Variants in BDP1 observed in about 807,000 individuals in gnomAD.
BDP1 encodes the protein BDP1 general transcription factor IIIB subunit, also known as transcription factor TFIIIB component B'' homolog.
Under a neutral mutation model 266.6 loss-of-function variants are expected in BDP1, and 169 were observed. The observed-to-expected ratio is 0.63, with a 90% CI of 0.56 to 0.72. The LOEUF is 0.72. BDP1 is among the 30% of genes least tolerant of loss of function. The pLI is 0.00. For synonymous variants in BDP1, 1,090 were observed against 1,022.4 expected, an observed-to-expected ratio of 1.07 and a Z score of -1.26; for missense variants, 3,015 against 3,053.8, an observed-to-expected ratio of 0.99 and a Z score of 0.30.
Position 71,549,414 on chromosome 5 carries a change from T to C in BDP1, c.6809-6T>C, listed in dbSNP as rs1421316115. ...TTTTTTATTACTAACTTTTAAACTT[T>C]GATAGTGAATCTAGTTGCTAATGTA... On this transcript the variant is annotated splice_polypyrimidine_tract_variant and splice_region_variant and intron_variant, in intron 33 of 38. Transcript: ENST00000358731. 1.2e-6 allele frequency: 2 copies of C among 1,602,684 alleles called. No individual in the cohort carries two copies. The highest frequency in any genetic ancestry group is 8.5e-7 in the Non-Finnish European group (1 of 1,175,100).
chr5:71,484,110 A>G (rs1330437516), intron 8 of BDP1, among the ~76,000 whole-genome samples: 1 of 152,120 alleles, frequency 6.6e-6, no homozygotes, highest in Non-Finnish European at 1.5e-5. Flanking sequence ...GGTGCAGGTA[A>G]ACAGTTCTAA....
chr5:71,496,539 GTGATCCTCCCACC>G (rs1763905174), intron 12 of BDP1, among the ~76,000 whole-genome samples: 1 of 151,082 alleles, frequency 6.6e-6, no homozygotes, highest in South Asian at 2.1e-4. Context: ...CCAGGCTTAG[GTGATCCTCCCACC>G]TTAGTCTCCC....
Position 71,565,201 on chromosome 5 carries a change from A to G in BDP1, c.*316A>G, listed in dbSNP as rs533766460. 4.3e-4 allele frequency: 91 copies of G among 213,866 alleles called. No homozygotes were observed. Among genetic ancestry groups the G allele is most frequent in the Non-Finnish European group, 6.9e-4 (75 of 108,598 alleles). The allele number at this position is 213,866 out of a possible 1,614,324, so 13.2% of individuals were successfully genotyped here. A position where few individuals can be genotyped will look rare whatever the true frequency, so the allele number is the denominator to read the frequency against. On this transcript the variant is annotated 3_prime_UTR_variant, in exon 39 of 39. Coordinates refer to ENST00000358731, the MANE Select transcript of BDP1 (RefSeq NM_018429.3). ...ATGGACATTTGGGAATGTTGTGGAT[A>G]TATGTCTCTGTATGAATTGCAGTGC...
chr5:71,461,192 C>CA (rs1392412295), intron 2 of BDP1, among the ~76,000 whole-genome samples: 7 of 152,124 alleles, frequency 4.6e-5, no homozygotes, highest in Admixed American at 1.3e-4. Context: ...TTATGTTGCC[C>CA]AGGCTGGTAA....
chr5:71,461,864 A>C lies in BDP1; in HGVS notation c.537A>C (p.Pro179=), dbSNP rs772134769. The C allele has an allele frequency of 6.2e-7, 1 of 1,609,882 alleles. No homozygotes were observed. The highest frequency in any genetic ancestry group is 8.5e-7 in the Non-Finnish European group (1 of 1,177,122). Residue 179 remains proline, a synonymous_variant, in exon 3 of 39, where the codon CCA becomes CCC. Coordinates refer to ENST00000358731, the MANE Select transcript of BDP1 (RefSeq NM_018429.3). ...CTATAAATGAAAGTCAGAGGCCACC[A>C]GATCGTTCAAAAATGACTATGAGAG... ...KYAINESQRP[P]DRSKMTMRDF...
At chr5:71,494,901 GT>G (rs754406954) in intron 11 of BDP1, 6 of 157,418 alleles carry the variant, frequency 3.8e-5, no homozygotes, top group Admixed American at 1.3e-4. Context: ...ATTTAACCAT[GT>G]TGGCCAGGAT....
chr5:71,474,677 G>T (rs145869786), intron 7 of BDP1, among the ~76,000 whole-genome samples: 1 of 151,474 alleles, frequency 6.6e-6, no homozygotes, highest in Non-Finnish European at 1.5e-5. Flanking sequence ...ATGAAACCCC[G>T]ATCCTATTAA....
intron 13 of BDP1, among the ~76,000 whole-genome samples, chr5:71,498,751 T>G (rs1764046791): frequency 6.8e-6 from 1 of 146,578 alleles, no homozygotes; most frequent in Non-Finnish European, 1.5e-5. Flanking sequence ...TGACATAGGA[T>G]CTCGCCCAGT....
chr5:71,544,318 T>G, intron 30 of BDP1, 39 bp from the exon 31 acceptor site: 1 of 1,575,026 alleles, frequency 6.3e-7, no homozygotes, highest in Non-Finnish European at 8.6e-7. Context: ...TTTAGCTGTA[T>G]TATTTTGGTC....
intron 5 of BDP1, among the ~76,000 whole-genome samples, chr5:71,466,638 A>G (rs1169661787): frequency 1.3e-5 from 2 of 152,180 alleles, no homozygotes; most frequent in African/African-American, 2.4e-5. Flanking sequence ...TAGGTTTAAC[A>G]TATTTTATGA....
At chr5:71,528,661 T>C (rs904925612) in intron 25 of BDP1, among the ~76,000 whole-genome samples, 1 of 152,248 alleles carries the variant, frequency 6.6e-6, no homozygotes, top group African/African-American at 2.4e-5. Flanking sequence ...AAATCTACTT[T>C]TATTCAGTGT....
At chr5:71,508,471 A>ATTTT (rs113929106) in intron 16 of BDP1, among the ~76,000 whole-genome samples, 3 of 144,412 alleles carry the variant, frequency 2.1e-5, no homozygotes, top group Non-Finnish European at 4.5e-5. Context: ...CACTTGACTA[A>ATTTT]TTTTTTTTTT....
chr5:71,517,412 G>A lies in BDP1; in HGVS notation c.4951G>A (p.Val1651Ile). ...TGAAAATCAAAGTCAGGTGGTTCTT[G>A]TAGAAAACCTTCATGTTAACAAAAC... Reference protein sequence around the residue: ...MYENQSQVVLVENLHVNKTNE... With the variant: ...MYENQSQVVLIENLHVNKTNE... Residue 1651 changes from valine to isoleucine, a missense_variant, in exon 22 of 39, where the codon GTA becomes ATA. Val to Ile is a conservative substitution (Grantham distance 29). This residue lies in a region of BDP1 where 2,383 missense variants were observed against 2,404.9 expected (regional missense o/e 0.99). Transcript: ENST00000358731. The A allele has an allele frequency of 6.2e-7, 1 of 1,604,092 alleles. No individual in the cohort carries two copies. The highest frequency in any genetic ancestry group is 8.5e-7 in the Non-Finnish European group (1 of 1,177,298).
chr5:71,493,553 C>T (rs1763717924), intron 11 of BDP1, among the ~76,000 whole-genome samples: 1 of 152,138 alleles, frequency 6.6e-6, no homozygotes, highest in African/African-American at 2.4e-5. Context: ...AGGGGAAAAA[C>T]AACCTTGTAA....
downstream of BDP1, among the ~76,000 whole-genome samples, chr5:71,568,749 A>C (rs372985857): frequency 9.8e-5 from 15 of 152,348 alleles, 1 homozygote; most frequent in African/African-American, 3.6e-4. Flanking sequence ...TAAGACATCT[A>C]GCTGCTTGCT....
At position 71,498,418 on chromosome 5, in the gene BDP1, C is replaced by CT. The variant is rs528754714; in HGVS notation, c.1956+995dup. 4.6e-5 allele frequency among the ~76,000 whole-genome samples: 7 copies of CT among 151,558 alleles called. No homozygotes were observed. The East Asian group carries it at 1.4e-3, about 30-fold the overall frequency. On this transcript the variant is annotated intron_variant, in intron 13 of 38. Transcript: ENST00000358731. Reference sequence around the variant, plus strand: ...GTCAATAAATTTCTTTATTCTTTTTCTTTCTTTATTTCTTTTTTTTTTTGA... The same window carrying CT: ...GTCAATAAATTTCTTTATTCTTTTTCTTTTCTTTATTTCTTTTTTTTTTTGA...
At chr5:71,541,821 T>C (rs1210137480) in intron 29 of BDP1, 139 bp downstream of exon 29, 1 of 603,936 alleles carries the variant, frequency 1.7e-6, no homozygotes, top group Non-Finnish European at 2.8e-6. Context: ...GATTTTAGGT[T>C]AGTGGTTTGC....
intron 15 of BDP1, among the ~76,000 whole-genome samples, chr5:71,503,885 C>T (rs1227233130): frequency 6.7e-6 from 1 of 148,714 alleles, no homozygotes; most frequent in Non-Finnish European, 1.5e-5. Context: ...GCAGGAGGAT[C>T]AATTGAGCCC....
chr5:71,480,047 C>T (rs1457311974), intron 7 of BDP1, among the ~76,000 whole-genome samples: 2 of 151,838 alleles, frequency 1.3e-5, no homozygotes, highest in Non-Finnish European at 2.9e-5. Flanking sequence ...CAGGTTCAAT[C>T]GATTCTCCTT....
Sources: allele counts gnomAD v4.1 joint callset (sites outside exome capture counted in the v4.1 genomes callset), GRCh38; gene constraint gnomAD v4.1.1; regional missense constraint gnomAD v4.1.1; transcripts MANE v1.5; gene names NCBI Gene and HGNC (gene_info 2026-07-23, HGNC 2026-07-21).